GAB4: variants seen among roughly 807,000 people sequenced by gnomAD.
GAB4 encodes the protein GRB2-associated-binding protein 4.
Under a neutral mutation model 51.3 loss-of-function variants are expected in GAB4, and 26 were observed. The ratio of observed to expected loss-of-function variants is 0.51; its 90% confidence interval spans 0.37 to 0.70. The LOEUF (loss-of-function observed/expected upper bound fraction) is 0.70. Ranked by LOEUF, GAB4 falls within the 30% of genes least tolerant of loss-of-function variation. GAB4 has a pLI of 0.00. For missense variants in GAB4, 759 were observed against 734.6 expected (o/e 1.03, Z -0.38); for synonymous variants, 329 against 291.2 (o/e 1.13, Z -1.32).
intron 3 of GAB4, 61 bp downstream of exon 3, chr22:16,987,899 G>A (rs1219858178): frequency 1.6e-6 from 2 of 1,261,532 alleles, no homozygotes; most frequent in Non-Finnish European, 2.2e-6. Flanking sequence ...AAAAATCAGG[G>A]ACTGAATAGA....
At chr22:16,964,602 T>G (rs1323075898) in intron 8 of GAB4, among the ~76,000 whole-genome samples, 164 bp downstream of exon 8, 1 of 152,138 alleles carries the variant, frequency 6.6e-6, no homozygotes, top group East Asian at 1.9e-4. Context: ...CCCTAATGAT[T>G]GCCTGATACA....
At chr22:16,967,002 A>G (rs1335809092) in intron 5 of GAB4, 1 of 152,414 alleles carries the variant, frequency 6.6e-6, no homozygotes, top group Non-Finnish European at 1.5e-5. Context: ...TACACTTTGA[A>G]GCTATCAGAG....
chr22:16,963,016 T>C lies in GAB4; in HGVS notation c.1582-140A>G, dbSNP rs538048925. On this transcript the variant is annotated intron_variant, in intron 9 of 9. Transcript: ENST00000400588. ...CCTGCTCTCAGCAGCCTGGGGGGCC[T>C]GGGCTTTAAAGCCTCAACTCCAGGC... The C allele has an allele frequency of 2.1e-5, 16 of 747,604 alleles. No individual in the cohort carries two copies. The African/African-American group carries it at 2.3e-4, about 11-fold the overall frequency. 46.3% of individuals were successfully genotyped at this position (747,604 alleles called of 1,614,324 possible).
At chr22:17,007,176 G>A (rs1466293421) in intron 1 of GAB4, among the ~76,000 whole-genome samples, 1 of 152,284 alleles carries the variant, frequency 6.6e-6, no homozygotes, top group East Asian at 1.9e-4. Flanking sequence ...CCTCTTCTAT[G>A]TACCTTGGTA....
chr22:16,962,387 A>C lies in GAB4; in HGVS notation c.*346T>G. 1 of 189,214 alleles carries C rather than the reference A, an allele frequency of 5.3e-6. No individual in the cohort carries two copies. Among genetic ancestry groups the C allele is most frequent in the Non-Finnish European group, 1.1e-5 (1 of 92,926 alleles). The allele number at this position is 189,214 out of a possible 1,614,324, so 11.7% of individuals were successfully genotyped here. A position where few individuals can be genotyped will look rare whatever the true frequency, so the allele number is the denominator to read the frequency against. On this transcript the variant is annotated 3_prime_UTR_variant, in exon 10 of 10. Coordinates refer to ENST00000400588, the MANE Select transcript of GAB4 (RefSeq NM_001037814.1). ...TGGGCCTTGGGTCCCCGGGTCAGCA[A>C]GGTAGCTCCTCATGTTCCAGGATTG...
chr22:17,000,961 T>C (rs1361042721), intron 1 of GAB4, among the ~76,000 whole-genome samples: 1 of 152,136 alleles, frequency 6.6e-6, no homozygotes, highest in East Asian at 1.9e-4. Context: ...ATGTTGAATA[T>C]TGGCCTCCAC....
intron 1 of GAB4, among the ~76,000 whole-genome samples, chr22:17,000,009 T>C (rs1347843400): frequency 6.6e-6 from 1 of 152,120 alleles, no homozygotes; most frequent in East Asian, 1.9e-4. Flanking sequence ...TGAGACATGG[T>C]TTGTTATCAT....
intron 2 of GAB4, among the ~76,000 whole-genome samples, chr22:16,989,091 C>T (rs965622551): frequency 6.6e-5 from 10 of 152,184 alleles, no homozygotes; most frequent in Non-Finnish European, 1.0e-4. Flanking sequence ...ATGTTGTTAC[C>T]TCCACAGCCC....
chr22:17,007,962 G>A lies in GAB4; in HGVS notation c.153C>T (p.Pro51=), dbSNP rs368592506. ...LYSGWLRKSP[P]EKKLRLFAWR... is the part of the protein sequence containing the mutation. ...TCACAAAGAGCCTCAGCTTCTTCTC[G>A]GGGGGCGACTTCCTCAGCCAGCCGC... Residue 51 remains proline, a synonymous_variant, in exon 1 of 10, where the codon CCC becomes CCT. Transcript: ENST00000400588. The A allele has an allele frequency of 6.2e-7, 1 of 1,603,156 alleles. No individual in the cohort carries two copies. Among genetic ancestry groups the A allele is most frequent in the Non-Finnish European group, 8.5e-7 (1 of 1,172,460 alleles).
intron 1 of GAB4, among the ~76,000 whole-genome samples, chr22:17,003,617 T>C (rs1231054744): frequency 6.6e-6 from 1 of 152,090 alleles, no homozygotes; most frequent in Non-Finnish European, 1.5e-5. Flanking sequence ...AAATAAAGAT[T>C]TTTTTTAAAC....
At chr22:16,974,652 T>C (rs1247208289) in intron 3 of GAB4, among the ~76,000 whole-genome samples, 1 of 152,234 alleles carries the variant, frequency 6.6e-6, no homozygotes, top group African/African-American at 2.4e-5. Context: ...TGTAGCCACT[T>C]CCTTTTGCAC....
At chr22:16,965,760 C>G (rs1163055292) in intron 6 of GAB4, among the ~76,000 whole-genome samples, 1 of 152,178 alleles carries the variant, frequency 6.6e-6, no homozygotes, top group Admixed American at 6.5e-5. Context: ...AGTTATCCCA[C>G]TCCTTCCTTG....
At chr22:16,975,765 G>C (rs1203665585) in intron 3 of GAB4, among the ~76,000 whole-genome samples, 1 of 152,200 alleles carries the variant, frequency 6.6e-6, no homozygotes, top group Non-Finnish European at 1.5e-5. Context: ...GAGAGCTCCA[G>C]CTGGCATCTG....
intron 3 of GAB4, among the ~76,000 whole-genome samples, chr22:16,970,632 A>C (rs1478147383): frequency 6.6e-6 from 1 of 152,156 alleles, no homozygotes; most frequent in Non-Finnish European, 1.5e-5. Flanking sequence ...GCCCAGGCTG[A>C]GAGACGGTGG....
chr22:17,000,022 C>G (rs1233855279), intron 1 of GAB4, among the ~76,000 whole-genome samples: 8 of 152,132 alleles, frequency 5.3e-5, no homozygotes, highest in Non-Finnish European at 1.0e-4. Context: ...GTTATCATTT[C>G]TGTTTTTCTA....
chr22:16,972,511 TTCG>T (rs2060740541), intron 3 of GAB4, among the ~76,000 whole-genome samples: 1 of 152,154 alleles, frequency 6.6e-6, no homozygotes, highest in African/African-American at 2.4e-5. Context: ...GATCAAGAGC[TTCG>T]GAAGGATGTC....
rs558247977 is a variant in GAB4, at chr22:17,007,926, C to T, written c.174+15G>A. 2.7e-6 allele frequency: 4 copies of T among 1,467,892 alleles called. No homozygotes were observed. Among genetic ancestry groups the T allele is most frequent in the Non-Finnish European group, 3.6e-6 (4 of 1,115,064 alleles). The allele number at this position is 1,467,892 out of a possible 1,614,324, so 90.9% of individuals were successfully genotyped here. On this transcript the variant is annotated intron_variant, in intron 1 of 9. Coordinates refer to ENST00000400588, the MANE Select transcript of GAB4 (RefSeq NM_001037814.1). Reference sequence around the variant, plus strand: ...TCCGTGGCGCTCCTGGTACCGCCCCCACTGCCCCACTCACAAAGAGCCTCA... The same window carrying T: ...TCCGTGGCGCTCCTGGTACCGCCCCTACTGCCCCACTCACAAAGAGCCTCA...
chr22:16,978,941 T>A lies in GAB4; in HGVS notation c.687-8748A>T, dbSNP rs143630528. Among the ~76,000 whole-genome samples the A allele has an allele frequency of 8.5e-5, 13 of 152,286 alleles. No homozygotes were observed. The East Asian group carries it at 2.5e-3, about 29-fold the overall frequency. Reference sequence around the variant, plus strand: ...ACCAATGACAAAAACCACATGATTATCTCAATAGATGCAGAAAAGGCCTTC... The same window carrying A: ...ACCAATGACAAAAACCACATGATTAACTCAATAGATGCAGAAAAGGCCTTC... On this transcript the variant is annotated intron_variant, in intron 3 of 9. Coordinates refer to ENST00000400588, the MANE Select transcript of GAB4 (RefSeq NM_001037814.1).
intron 3 of GAB4, among the ~76,000 whole-genome samples, chr22:16,975,382 C>T (rs1180412211): frequency 2.6e-5 from 4 of 152,146 alleles, no homozygotes; most frequent in Non-Finnish European, 5.9e-5. Flanking sequence ...ATAGTGTAAA[C>T]AAACCCTCCA....
Sources: gnomAD v4.1 joint callset for allele counts (sites outside exome capture counted in the v4.1 genomes callset) on GRCh38, gnomAD v4.1.1 for gene constraint, MANE v1.5 for transcripts, NCBI Gene and HGNC (gene_info 2026-07-23, HGNC 2026-07-21) for gene names.